Variants in SEPTIN6 observed in about 807,000 individuals in gnomAD.
The protein encoded by SEPTIN6 is septin 6, also known as septin-6.
Under a neutral mutation model 33.6 loss-of-function variants are expected in SEPTIN6, and 8 were observed. That is an observed-to-expected ratio of 0.24 (90% CI 0.14 to 0.43). The LOEUF (loss-of-function observed/expected upper bound fraction) is 0.43, where lower values mean the gene tolerates loss of function less well. Among genes scored for constraint, SEPTIN6 ranks in the 20% least tolerant of loss-of-function variants. The probability of loss-of-function intolerance (pLI) is 1.00; values close to 1 mark genes in which losing one functional copy is unlikely to be tolerated. For missense variants in SEPTIN6, 250 were observed against 340.8 expected (o/e 0.73, Z 2.10); for synonymous variants, 131 against 140.0 (o/e 0.94, Z 0.45).
intron 1 of SEPTIN6, among the ~76,000 whole-genome samples, chrX:119,682,580 G>A (rs974680826): frequency 9.0e-6 from 1 of 111,663 alleles, no homozygotes; most frequent in African/African-American, 3.3e-5. Flanking sequence ...CTCTCCTGAG[G>A]ACACACCAAT....
At chrX:119,632,288 C>T (rs180842435) in intron 8 of SEPTIN6, among the ~76,000 whole-genome samples, 2 of 109,516 alleles carry the variant, frequency 1.8e-5, no homozygotes, top group East Asian at 2.9e-4. Flanking sequence ...CTCCGCCTTC[C>T]GGGTTCACGC....
intron 1 of SEPTIN6, among the ~76,000 whole-genome samples, chrX:119,682,786 C>G (rs915445300): frequency 9.0e-6 from 1 of 111,432 alleles, no homozygotes; most frequent in Non-Finnish European, 1.9e-5. Flanking sequence ...GTATTTGAGG[C>G]CTCTGGGAAC....
chrX:119,689,920 G>A (rs965514336), intron 1 of SEPTIN6, among the ~76,000 whole-genome samples: 2 of 110,290 alleles, frequency 1.8e-5, no homozygotes, highest in Non-Finnish European at 1.9e-5. Context: ...TAGTAGATAC[G>A]GGGTTTCACC....
intron 2 of SEPTIN6, among the ~76,000 whole-genome samples, chrX:119,665,597 T>G (rs1415453755): frequency 9.0e-6 from 1 of 111,608 alleles, no homozygotes; most frequent in Non-Finnish European, 1.9e-5. Flanking sequence ...ACCAAGCCAC[T>G]GTCAGGAGCC....
intron 8 of SEPTIN6, among the ~76,000 whole-genome samples, chrX:119,631,949 G>C (rs1045250348): frequency 7.3e-5 from 8 of 109,347 alleles, no homozygotes; most frequent in Admixed American, 5.9e-4. Flanking sequence ...TTTTAGCAGA[G>C]ACAGGGTTTC....
intron 5 of SEPTIN6, among the ~76,000 whole-genome samples, chrX:119,648,640 T>G (rs961103450): frequency 1.4e-4 from 16 of 111,582 alleles, no homozygotes; most frequent in Non-Finnish European, 7.5e-5. Flanking sequence ...CAAACACATC[T>G]CGGGTGTACT....
chrX:119,618,594 G>C lies in SEPTIN6; in HGVS notation c.*1499C>G. ...ATGGTCAGTGCCAGTGGGGCTGGGA[G>C]GCAGGAGCAAGTTGCGGAACTCAAA... On this transcript the variant is annotated 3_prime_UTR_variant, in exon 11 of 11. Transcript: ENST00000394610. 6 of 1,037,233 alleles carry C rather than the reference G, an allele frequency of 5.8e-6. No homozygotes were observed. The highest frequency in any genetic ancestry group is 7.4e-6 in the Non-Finnish European group (6 of 806,236). The allele number at this position is 1,037,233 out of a possible 1,213,427, so 85.5% of individuals were successfully genotyped here.
At position 119,617,714 on chromosome X, in the gene SEPTIN6, T is replaced by C. The variant is rs2053687817; in HGVS notation, c.*2379A>G. 1.3e-6 allele frequency: 1 copy of C among 787,965 alleles called. No individual in the cohort carries two copies. Among genetic ancestry groups the C allele is most frequent in the East Asian group, 6.9e-5 (1 of 14,572 alleles). 64.9% of individuals were successfully genotyped at this position (787,965 alleles called of 1,213,427 possible). ...GGGAGTCAGGAGGCATGAAAATTAG[T>C]CTGGCTTCTGCCTCGAAACAGAAGT... is the stretch of plus-strand genomic sequence containing the variant. On this transcript the variant is annotated 3_prime_UTR_variant, in exon 11 of 11. Coordinates refer to ENST00000394610, the MANE Select transcript of SEPTIN6 (RefSeq NM_145799.4).
At chrX:119,689,426 A>G (rs1240034023) in intron 1 of SEPTIN6, among the ~76,000 whole-genome samples, 1 of 112,185 alleles carries the variant, frequency 8.9e-6, no homozygotes, top group South Asian at 3.6e-4. Flanking sequence ...TTCTTTAATT[A>G]TTTCACAGTG....
intron 3 of SEPTIN6, among the ~76,000 whole-genome samples, chrX:119,653,497 C>T (rs1284925851): frequency 8.9e-6 from 1 of 112,467 alleles, no homozygotes; most frequent in Non-Finnish European, 1.9e-5. Context: ...CCTCGGGGGG[C>T]CCCAACACAG....
At chrX:119,665,356 G>A (rs1344980685) in intron 2 of SEPTIN6, among the ~76,000 whole-genome samples, 1 of 111,380 alleles carries the variant, frequency 9.0e-6, no homozygotes. Context: ...CACCTGCCTC[G>A]GCCTCCCGAA....
chrX:119,688,303 GCACTTAT>G (rs2055093379), intron 1 of SEPTIN6, among the ~76,000 whole-genome samples: 1 of 111,571 alleles, frequency 9.0e-6, no homozygotes, highest in Non-Finnish European at 1.9e-5. Flanking sequence ...CTCCTGTGTA[GCACTTAT>G]CACAAAGATA....
chrX:119,650,219 A>G, intron 4 of SEPTIN6, 121 bp from the exon 5 acceptor site: 1 of 625,038 alleles, frequency 1.6e-6, no homozygotes, highest in South Asian at 2.7e-5. Context: ...AAGACTGGCC[A>G]CTTCTGTAGC....
chrX:119,620,336 T>C (rs1487903078), intron 10 of SEPTIN6, among the ~76,000 whole-genome samples: 1 of 105,720 alleles, frequency 9.5e-6, no homozygotes, highest in African/African-American at 3.4e-5. Flanking sequence ...TTTTTTTTTT[T>C]GAGACAGAGT....
At chrX:119,638,454 G>T (rs2054103437) in intron 6 of SEPTIN6, among the ~76,000 whole-genome samples, 1 of 111,541 alleles carries the variant, frequency 9.0e-6, no homozygotes, top group East Asian at 2.8e-4. Context: ...GGTGGTATTT[G>T]CCCTGAACAA....
chrX:119,641,555 A>T (rs1236701894), intron 5 of SEPTIN6, among the ~76,000 whole-genome samples: 1 of 112,527 alleles, frequency 8.9e-6, no homozygotes, highest in East Asian at 2.8e-4. Flanking sequence ...TGCTTAATAA[A>T]TACTTCCTGA....
At chrX:119,669,578 C>T (rs924966851) in intron 2 of SEPTIN6, among the ~76,000 whole-genome samples, 2 of 112,084 alleles carry the variant, frequency 1.8e-5, no homozygotes, top group Non-Finnish European at 3.8e-5. Context: ...CGTCCGCTTC[C>T]TGCATCTCTT....
At chrX:119,648,984 T>C (rs1226619135) in intron 5 of SEPTIN6, among the ~76,000 whole-genome samples, 1 of 111,557 alleles carries the variant, frequency 9.0e-6, no homozygotes, top group Non-Finnish European at 1.9e-5. Context: ...CATTAGGAGA[T>C]GTTTGCATCT....
intron 10 of SEPTIN6, among the ~76,000 whole-genome samples, chrX:119,624,739 C>T (rs749301634): frequency 9.0e-6 from 1 of 111,100 alleles, no homozygotes; most frequent in Non-Finnish European, 1.9e-5. Flanking sequence ...GATGGAGTTT[C>T]GCTCTTGTTG....
Sources: gnomAD v4.1 joint callset for allele counts (sites outside exome capture counted in the v4.1 genomes callset) on GRCh38, gnomAD v4.1.1 for gene constraint, MANE v1.5 for transcripts, NCBI Gene and HGNC (gene_info 2026-07-23, HGNC 2026-07-21) for gene names.